The following CACNA2D3 variants were observed in gnomAD, a reference collection of about 807,000 sequenced individuals.
CACNA2D3 encodes voltage-dependent calcium channel subunit alpha-2/delta-3.
A neutral mutation model predicts 160.6 loss-of-function variants in CACNA2D3; 60 were observed. That is an observed-to-expected ratio of 0.37 (90% confidence interval 0.30 to 0.46). CACNA2D3 has a LOEUF of 0.46. Ranked by LOEUF, CACNA2D3 falls within the 20% of genes least tolerant of loss-of-function variation. The probability of loss-of-function intolerance (pLI) is 1.00; values close to 1 mark genes in which losing one functional copy is unlikely to be tolerated. For missense variants in CACNA2D3, 1,205 were observed against 1,365.0 expected (o/e 0.88, Z 1.85); for synonymous variants, 558 against 492.9 (o/e 1.13, Z -1.75).
chr3:54,456,655 A>C (rs1285642643), intron 4 of CACNA2D3, among the ~76,000 whole-genome samples: 1 of 151,900 alleles, frequency 6.6e-6, no homozygotes, highest in Non-Finnish European at 1.5e-5. Context: ...CCTCCTCTTC[A>C]TTTCTTGGAA....
intron 9 of CACNA2D3, among the ~76,000 whole-genome samples, chr3:54,603,908 CTTTTTAAAAT>C (rs1285887776): frequency 1.3e-5 from 2 of 151,956 alleles, no homozygotes; most frequent in East Asian, 3.9e-4. Context: ...ATCTAAATGT[CTTTTTAAAAT>C]AAGAGTAAAT....
At chr3:54,217,387 T>C (rs1310841928) in intron 2 of CACNA2D3, among the ~76,000 whole-genome samples, 1 of 152,172 alleles carries the variant, frequency 6.6e-6, no homozygotes, top group East Asian at 1.9e-4. Flanking sequence ...GACACCATAG[T>C]AGGCTGGACA....
intron 4 of CACNA2D3, among the ~76,000 whole-genome samples, chr3:54,471,341 C>A (rs145181268): frequency 0.019 from 2,909 of 152,286 alleles, 87 homozygotes; most frequent in African/African-American, 0.065. Flanking sequence ...TATATAAGTT[C>A]TTTGAAACCA....
chr3:54,496,498 T>C (rs1450278824), intron 4 of CACNA2D3, among the ~76,000 whole-genome samples: 1 of 152,208 alleles, frequency 6.6e-6, no homozygotes, highest in Non-Finnish European at 1.5e-5. Context: ...TTTTGATTAA[T>C]ATTTTCAGTT....
intron 8 of CACNA2D3, among the ~76,000 whole-genome samples, chr3:54,578,146 G>C (rs529576520): frequency 2.6e-5 from 4 of 152,198 alleles, no homozygotes; most frequent in Non-Finnish European, 5.9e-5. Context: ...GTTTAAGTAC[G>C]TCTTTAGGGT....
intron 9 of CACNA2D3, among the ~76,000 whole-genome samples, chr3:54,616,338 G>A (rs1252043335): frequency 6.6e-6 from 1 of 152,184 alleles, no homozygotes; most frequent in Non-Finnish European, 1.5e-5. Context: ...GCTGTTGGTT[G>A]GAAGCTTCAG....
chr3:54,734,075 A>AGGCATTTTTAAAAGCATC (rs574760300), intron 11 of CACNA2D3, among the ~76,000 whole-genome samples: 296 of 152,252 alleles, frequency 1.9e-3, no homozygotes, highest in African/African-American at 6.5e-3. Context: ...AAGATATCTC[A>AGGCATTTTTAAAAGCATC]TTCATAGGCA....
chr3:54,449,216 CAA>C lies in CACNA2D3; in HGVS notation c.382-54275_382-54274del, dbSNP rs1491234217. Among the ~76,000 whole-genome samples the C allele has an allele frequency of 5.3e-5, 8 of 152,250 alleles. No individual in the cohort carries two copies. The South Asian group carries it at 1.0e-3, about 20-fold the overall frequency. On this transcript the variant is annotated intron_variant, in intron 4 of 37. Transcript: ENST00000474759. ...TCTTATAGAGTGAATGGACAAACCA[CAA>C]GAGAGAGAGCGCTCTGGCTTCATTT...
At chr3:54,607,356 C>T (rs1275422580) in intron 9 of CACNA2D3, among the ~76,000 whole-genome samples, 4 of 152,248 alleles carry the variant, frequency 2.6e-5, no homozygotes, top group South Asian at 4.1e-4. Flanking sequence ...GTCTCACTCT[C>T]TGTCACCCAG....
At chr3:54,853,309 G>A (rs1207718746) in intron 17 of CACNA2D3, among the ~76,000 whole-genome samples, 1 of 152,226 alleles carries the variant, frequency 6.6e-6, no homozygotes, top group Non-Finnish European at 1.5e-5. Flanking sequence ...ACTACACAGA[G>A]CGGGTAGTCA....
chr3:54,465,191 A>T (rs758703207), intron 4 of CACNA2D3, among the ~76,000 whole-genome samples: 2 of 151,250 alleles, frequency 1.3e-5, no homozygotes, highest in Non-Finnish European at 2.9e-5. Context: ...CATTTCCAAG[A>T]TTTTTTTAAT....
intron 27 of CACNA2D3, among the ~76,000 whole-genome samples, chr3:54,949,069 C>T (rs1424365280): frequency 1.2e-4 from 18 of 152,196 alleles, no homozygotes; most frequent in Non-Finnish European, 1.5e-5. Flanking sequence ...AGCAGGCCTT[C>T]CTCATCCAGT....
Position 54,455,548 on chromosome 3 carries a change from T to C in CACNA2D3, c.382-47944T>C, listed in dbSNP as rs545835324. The stretch of plus-strand genomic sequence containing the variant: ...TGTCTTTTCACTCTATTGATTGTTT[T>C]CCTTTGCTGTGCAGAAGTATTTTAG... On this transcript the variant is annotated intron_variant, in intron 4 of 37. Coordinates refer to ENST00000474759, the MANE Select transcript of CACNA2D3 (RefSeq NM_018398.3). Among the ~76,000 whole-genome samples, 172 of 152,260 alleles carry C rather than the reference T, an allele frequency of 1.1e-3. 1 individual carries two copies. In the South Asian group the frequency reaches 0.018, roughly 16 times the overall value.
chr3:54,502,066 T>G (rs1427878425), intron 4 of CACNA2D3, among the ~76,000 whole-genome samples: 1 of 152,352 alleles, frequency 6.6e-6, no homozygotes. Flanking sequence ...AGATTTTCTC[T>G]TTTTCTTTGA....
At chr3:54,162,202 G>A (rs1441404004) in intron 2 of CACNA2D3, among the ~76,000 whole-genome samples, 3 of 152,108 alleles carry the variant, frequency 2.0e-5, no homozygotes, top group Non-Finnish European at 4.4e-5. Context: ...GCTGAGTAAC[G>A]ACACACCGCA....
intron 27 of CACNA2D3, among the ~76,000 whole-genome samples, chr3:54,923,287 C>T (rs1201197400): frequency 6.6e-6 from 1 of 152,164 alleles, no homozygotes; most frequent in Non-Finnish European, 1.5e-5. Context: ...CTCCCTTCCT[C>T]TGCACTGGCC....
chr3:54,241,643 A>C (rs971257306), intron 2 of CACNA2D3, among the ~76,000 whole-genome samples: 1 of 152,214 alleles, frequency 6.6e-6, no homozygotes, highest in Non-Finnish European at 1.5e-5. Context: ...GGCTGTGGTC[A>C]CATGGATGTG....
At chr3:54,413,424 C>CTATATATATCTATATATATAGATATCTA (rs1575442002) in intron 4 of CACNA2D3, among the ~76,000 whole-genome samples, 1 of 145,544 alleles carries the variant, frequency 6.9e-6, no homozygotes, top group African/African-American at 2.5e-5. Flanking sequence ...ATATAGATAT[C>CTATATATATCTATATATATAGATATCTA]TATATATATA....
At chr3:54,300,062 G>A (rs1245657654) in intron 2 of CACNA2D3, among the ~76,000 whole-genome samples, 1 of 152,188 alleles carries the variant, frequency 6.6e-6, no homozygotes, top group East Asian at 1.9e-4. Context: ...AAAGAGGTTA[G>A]TTTAAAAGTT....
Sources: gnomAD v4.1 joint callset for allele counts (sites outside exome capture counted in the v4.1 genomes callset) on GRCh38, gnomAD v4.1.1 for gene constraint, MANE v1.5 for transcripts, NCBI Gene and HGNC (gene_info 2026-07-23, HGNC 2026-07-21) for gene names.